The following DSCAML1 variants were observed in gnomAD, a reference collection of about 807,000 sequenced individuals.
DSCAML1 encodes cell adhesion molecule DSCAML1.
Under a neutral mutation model 200.5 loss-of-function variants are expected in DSCAML1, and 38 were observed. The observed-to-expected ratio is 0.19, with a 90% confidence interval of 0.15 to 0.25. The LOEUF (loss-of-function observed/expected upper bound fraction) is 0.25. Ranked by LOEUF, DSCAML1 falls within the 10% of genes least tolerant of loss-of-function variation. The pLI is 1.00. For synonymous variants in DSCAML1, 1,215 were observed against 1,165.0 expected (o/e 1.04, Z -0.87); for missense variants, 2,223 against 2,858.8 (o/e 0.78, Z 5.07).
chr11:117,501,024 C>T (rs377082122), intron 11 of DSCAML1, among the ~76,000 whole-genome samples: 5 of 151,958 alleles, frequency 3.3e-5, no homozygotes, highest in Non-Finnish European at 5.9e-5. Flanking sequence ...TGCAAGTGGG[C>T]GATGATGTGG....
intron 1 of DSCAML1, among the ~76,000 whole-genome samples, chr11:117,787,419 G>A (rs1565285408): frequency 6.6e-6 from 1 of 152,114 alleles, no homozygotes; most frequent in African/African-American, 2.4e-5. Flanking sequence ...CACCTCTGAT[G>A]ATAATAATAA....
At chr11:117,633,197 G>A (rs1015270961) in intron 3 of DSCAML1, among the ~76,000 whole-genome samples, 5 of 152,044 alleles carry the variant, frequency 3.3e-5, no homozygotes, top group African/African-American at 1.2e-4. Context: ...CCTGAGAAGG[G>A]TGGTTGTCTG....
chr11:117,649,646 T>C (rs71480349), intron 3 of DSCAML1, among the ~76,000 whole-genome samples: 3,370 of 152,306 alleles, frequency 0.022, 59 homozygotes, highest in Middle Eastern at 0.065. Flanking sequence ...ACCAAACCCC[T>C]GTGAACTAAT....
At chr11:117,556,732 G>C (rs2050565530) in intron 3 of DSCAML1, among the ~76,000 whole-genome samples, 1 of 152,184 alleles carries the variant, frequency 6.6e-6, no homozygotes, top group Admixed American at 6.5e-5. Context: ...GTGTAACCAT[G>C]TCCTTGGCCT....
intron 3 of DSCAML1, among the ~76,000 whole-genome samples, chr11:117,712,089 A>G (rs2053859522): frequency 6.6e-6 from 1 of 152,200 alleles, no homozygotes; most frequent in Non-Finnish European, 1.5e-5. Context: ...AATGCCGTAC[A>G]TTTTTAAATC....
chr11:117,435,610 C>G, intron 27 of DSCAML1, 34 bp downstream of exon 27: 1 of 1,561,460 alleles, frequency 6.4e-7, no homozygotes, highest in South Asian at 1.2e-5. Flanking sequence ...GAGCCAACAC[C>G]CCCTCCTGGA....
chr11:117,600,631 G>C (rs114151539), intron 3 of DSCAML1, among the ~76,000 whole-genome samples: 2,258 of 152,306 alleles, frequency 0.015, 51 homozygotes, highest in African/African-American at 0.051. Flanking sequence ...CACCACATTA[G>C]GCAGTGACAA....
chr11:117,553,428 C>A (rs1172681226), intron 3 of DSCAML1, among the ~76,000 whole-genome samples: 1 of 152,122 alleles, frequency 6.6e-6, no homozygotes, highest in African/African-American at 2.4e-5. Context: ...AGAATGCTTA[C>A]AATTCAACAA....
chr11:117,492,129 G>A (rs1437770537), intron 11 of DSCAML1, among the ~76,000 whole-genome samples: 5 of 151,906 alleles, frequency 3.3e-5, no homozygotes, highest in African/African-American at 9.7e-5. Flanking sequence ...TCCCTACCCC[G>A]AGGTAATTCT....
intron 1 of DSCAML1, among the ~76,000 whole-genome samples, chr11:117,793,531 G>A (rs2055515028): frequency 6.6e-6 from 1 of 152,154 alleles, no homozygotes; most frequent in Non-Finnish European, 1.5e-5. Context: ...GGTCAGGAAG[G>A]CTTGAGGTCT....
intron 11 of DSCAML1, among the ~76,000 whole-genome samples, chr11:117,490,767 T>C (rs1234817470): frequency 6.6e-6 from 1 of 152,250 alleles, no homozygotes; most frequent in Non-Finnish European, 1.5e-5. Flanking sequence ...AGCTCCTTTC[T>C]TTCGGTTTAT....
intron 3 of DSCAML1, among the ~76,000 whole-genome samples, chr11:117,645,223 T>TCCC (rs1275238542): frequency 6.6e-6 from 1 of 152,128 alleles, no homozygotes; most frequent in African/African-American, 2.4e-5. Flanking sequence ...AGAAACTCCC[T>TCCC]CCCAGTTTGA....
At chr11:117,736,507 C>T (rs893556137) in intron 3 of DSCAML1, among the ~76,000 whole-genome samples, 7 of 152,204 alleles carry the variant, frequency 4.6e-5, no homozygotes, top group Admixed American at 3.3e-4. Flanking sequence ...TGAGAGAGAA[C>T]TACAAGAGGT....
At chr11:117,760,749 G>T (rs1401210307) in intron 3 of DSCAML1, among the ~76,000 whole-genome samples, 1 of 152,092 alleles carries the variant, frequency 6.6e-6, no homozygotes, top group Non-Finnish European at 1.5e-5. Context: ...CCCCTGAAGG[G>T]CACAGACCTG....
intron 3 of DSCAML1, among the ~76,000 whole-genome samples, chr11:117,644,047 G>C (rs2052469795): frequency 6.6e-6 from 1 of 152,236 alleles, no homozygotes; most frequent in South Asian, 2.1e-4. Context: ...GCCTTCCCCA[G>C]TTCCTATCCC....
chr11:117,734,640 G>C (rs776394197), intron 3 of DSCAML1, among the ~76,000 whole-genome samples: 1 of 152,190 alleles, frequency 6.6e-6, no homozygotes, highest in Non-Finnish European at 1.5e-5. Flanking sequence ...TGATTGCTTG[G>C]TGATTGCTTG....
chr11:117,721,261 G>A (rs576390353), intron 3 of DSCAML1, among the ~76,000 whole-genome samples: 1 of 152,338 alleles, frequency 6.6e-6, no homozygotes, highest in South Asian at 2.1e-4. Context: ...TGGATAGCTA[G>A]AAAGAACTTC....
chr11:117,692,122 C>A (rs141063794), intron 3 of DSCAML1, among the ~76,000 whole-genome samples: 1,574 of 152,198 alleles, frequency 0.01, 38 homozygotes, highest in Admixed American at 0.05. Flanking sequence ...AGAGGTGATG[C>A]AAGGTGTCCT....
intron 3 of DSCAML1, among the ~76,000 whole-genome samples, chr11:117,615,980 C>T (rs1029064113): frequency 1.3e-5 from 2 of 152,182 alleles, no homozygotes; most frequent in Non-Finnish European, 2.9e-5. Flanking sequence ...CAGCTCACAA[C>T]CACCATTGTT....
Sources: gnomAD v4.1 joint callset for allele counts (sites outside exome capture counted in the v4.1 genomes callset) on GRCh38, gnomAD v4.1.1 for gene constraint, MANE v1.5 for transcripts, NCBI Gene and HGNC (gene_info 2026-07-23, HGNC 2026-07-21) for gene names.